The following MINK1 variants were observed in gnomAD, a reference collection of about 807,000 sequenced individuals.
MINK1 encodes the protein misshapen like kinase 1.
A neutral mutation model predicts 178.4 loss-of-function variants in MINK1; 46 were observed. The observed-to-expected ratio is 0.26, with a 90% confidence interval of 0.20 to 0.33. The LOEUF (loss-of-function observed/expected upper bound fraction) is 0.33. Ranked by LOEUF, MINK1 falls within the 10% of genes least tolerant of loss-of-function variation. The probability of loss-of-function intolerance (pLI) is 1.00; values close to 1 mark genes in which losing one functional copy is unlikely to be tolerated. For synonymous variants in MINK1, 797 were observed against 709.7 expected (o/e 1.12, Z -1.96); for missense variants, 1,366 against 1,814.9 (o/e 0.75, Z 4.49).
rs539820109 is a variant in MINK1 at position 4,892,803 on chromosome 17, C to G, written c.2311+35C>G. 2.8e-5 allele frequency: 44 copies of G among 1,553,142 alleles called. No individual in the cohort carries two copies. In the African/African-American group the frequency reaches 5.7e-4, roughly 20 times the overall value. ...CCAGGGCTGGGCAGCCTGCTCTGGG[C>G]CTGGGGGCTTATCACCATGGACCCT... On this transcript the variant is annotated intron_variant, in intron 19 of 31. Coordinates refer to ENST00000355280, the MANE Select transcript of MINK1 (RefSeq NM_153827.5).
rs1910377966 is a variant in MINK1 at position 4,842,326 on chromosome 17, GT to G, written c.57+8691del. On this transcript the variant is annotated intron_variant, in intron 1 of 31. Coordinates refer to ENST00000355280, the MANE Select transcript of MINK1 (RefSeq NM_153827.5). ...GTCTGGGACAGTGCATCGAAGAACT[GT>G]TTTTCCACCCGTATTGCCACTGGTA... 2.0e-5 allele frequency among the ~76,000 whole-genome samples: 3 copies of G among 152,034 alleles called. No individual in the cohort carries two copies. The South Asian group carries it at 6.2e-4, about 31-fold the overall frequency.
At position 4,886,464 on chromosome 17, in the gene MINK1, A is replaced by G. The variant is rs1968212144; in HGVS notation, c.787A>G (p.Ile263Val). The G allele has an allele frequency of 2.5e-6, 4 of 1,607,106 alleles. No individual in the cohort carries two copies. In the East Asian group the frequency reaches 8.9e-5, roughly 36 times the overall value. Reference sequence around the variant, plus strand: ...CACTGTTTCCAGGTCTAAGAAGTTCATTGACTTCATTGACACATGTCTCAT... The same window carrying G: ...CACTGTTTCCAGGTCTAAGAAGTTCGTTGACTTCATTGACACATGTCTCAT... The part of the protein sequence containing the change: ...LKSKKWSKKF[I>V]DFIDTCLIKT... Residue 263 changes from isoleucine to valine, a missense_variant, in exon 10 of 32, where the codon ATT becomes GTT. Transcript: ENST00000355280. This position sits in a 1 kb window ranked among gnomAD's most constrained non-coding sequence, Gnocchi z 6.1.
At chr17:4,859,152 T>G in intron 1 of MINK1, 2 of 985,476 alleles carry the variant, frequency 2.0e-6, no homozygotes, top group Non-Finnish European at 2.4e-6. Context: ...AGACCAGTCC[T>G]TCCTTGTCTC....
intron 2 of MINK1, 92 bp from the exon 3 acceptor site, chr17:4,880,892 C>A (rs537148329): frequency 8.2e-5 from 105 of 1,278,256 alleles, no homozygotes; most frequent in Non-Finnish European, 9.6e-5. Context: ...AGAGCGAGAC[C>A]CTGTCTCAAA....
At chr17:4,851,479 C>A (rs529026930) in intron 1 of MINK1, among the ~76,000 whole-genome samples, 51 of 152,290 alleles carry the variant, frequency 3.3e-4, no homozygotes, top group Non-Finnish European at 6.6e-4. Context: ...CATCTTAGAG[C>A]CTTCCTGCTC....
intron 1 of MINK1, among the ~76,000 whole-genome samples, chr17:4,863,536 C>G (rs924605490): frequency 1.6e-4 from 25 of 152,114 alleles, no homozygotes; most frequent in Non-Finnish European, 3.2e-4. Context: ...AAACCCGGTC[C>G]TTTAGGCAAC....
At chr17:4,841,399 C>T (rs986820182) in intron 1 of MINK1, among the ~76,000 whole-genome samples, 1 of 152,058 alleles carries the variant, frequency 6.6e-6, no homozygotes, top group African/African-American at 2.4e-5. Flanking sequence ...GAACCACAGG[C>T]TTAGAGGAGT....
Position 4,878,194 on chromosome 17 carries a change from C to T in MINK1, c.58-123C>T, listed in dbSNP as rs138223077. The stretch of plus-strand genomic sequence containing the variant: ...CAGCCAGCCACCAGGGTTCCTGCCA[C>T]GTGCCCTCCTGATATGCTGGTCTTC... On this transcript the variant is annotated intron_variant, in intron 1 of 31. Transcript: ENST00000355280. The T allele has an allele frequency of 2.1e-4, 158 of 769,260 alleles. 2 individuals are homozygous for T. The East Asian group carries it at 4.2e-3, about 20-fold the overall frequency. 47.7% of individuals were successfully genotyped at this position (769,260 alleles called of 1,614,324 possible). A position where few individuals can be genotyped will look rare whatever the true frequency, so the allele number is the denominator to read the frequency against.
intron 1 of MINK1, among the ~76,000 whole-genome samples, chr17:4,846,195 C>T (rs984412379): frequency 6.6e-6 from 1 of 152,276 alleles, no homozygotes; most frequent in Non-Finnish European, 1.5e-5. Context: ...TGGGCTGTGC[C>T]CTTACATTAC....
intron 31 of MINK1, 167 bp from the exon 32 acceptor site, chr17:4,897,037 C>A: frequency 1.2e-6 from 1 of 862,956 alleles, no homozygotes; most frequent in African/African-American, 1.7e-5. Context: ...TCTCCCCTAA[C>A]ATCCCAGCCT....
rs1968975209 is a variant in MINK1, at chr17:4,892,646, C to T, written c.2199-10C>T. On this transcript the variant is annotated splice_polypyrimidine_tract_variant and intron_variant, in intron 18 of 31. Transcript: ENST00000355280. ...GTGCCTCCCTGACCCTGACTCTGCC[C>T]CCCCAACAGTAACCCCGACCTCAGG... 1.9e-6 allele frequency: 3 copies of T among 1,592,954 alleles called. No homozygotes were observed. Among genetic ancestry groups the T allele is most frequent in the East Asian group, 2.2e-5 (1 of 44,650 alleles).
Position 4,896,122 on chromosome 17 carries a change from C to T in MINK1, c.3465+19C>T, listed in dbSNP as rs774341990. 1.9e-6 allele frequency: 3 copies of T among 1,606,386 alleles called. No individual in the cohort carries two copies. The highest frequency in any genetic ancestry group is 4.5e-5 in the East Asian group (2 of 44,546). On this transcript the variant is annotated intron_variant, in intron 28 of 31. Coordinates refer to ENST00000355280, the MANE Select transcript of MINK1 (RefSeq NM_153827.5). This position sits in a 1 kb window ranked among gnomAD's most constrained non-coding sequence, Gnocchi z 4.6. The stretch of plus-strand genomic sequence containing the variant: ...CTTCAAGGTAATCCCAGCCTCGGTC[C>T]CTAACACCATCTGGAGTCCCAGCGC...
chr17:4,849,183 G>A (rs929750262), intron 1 of MINK1, among the ~76,000 whole-genome samples: 10 of 152,140 alleles, frequency 6.6e-5, no homozygotes, highest in Admixed American at 5.9e-4. Context: ...GCAAGGAAGA[G>A]TAACTTCAAA....
chr17:4,895,302 G>A lies in MINK1; in HGVS notation c.3086-48G>A, dbSNP rs1381711966. 6.2e-7 allele frequency: 1 copy of A among 1,607,930 alleles called. No individual in the cohort carries two copies. The highest frequency in any genetic ancestry group is 8.5e-7 in the Non-Finnish European group (1 of 1,175,810). ...GCGTGGCTCTTGTGCTCCTGGTTAG[G>A]TGAGGGCCTGGCTGAGCCTCTGACC... is the stretch of plus-strand genomic sequence containing the variant. On this transcript the variant is annotated intron_variant, in intron 25 of 31. Coordinates refer to ENST00000355280, the MANE Select transcript of MINK1 (RefSeq NM_153827.5). The surrounding 1 kb of genome is among the most constrained non-coding windows in gnomAD (Gnocchi z 4.3).
chr17:4,840,617 A>C (rs1471618103), intron 1 of MINK1, among the ~76,000 whole-genome samples: 2 of 152,194 alleles, frequency 1.3e-5, no homozygotes, highest in East Asian at 3.8e-4. Context: ...TCTCACGGAA[A>C]TAAGAACAAG....
At chr17:4,834,048 C>T (rs1281016163) in intron 1 of MINK1, among the ~76,000 whole-genome samples, 1 of 152,268 alleles carries the variant, frequency 6.6e-6, no homozygotes, top group Non-Finnish European at 1.5e-5. Context: ...CCCTCCTCTT[C>T]CTCAGCTCCT....
chr17:4,874,886 A>G (rs1004587799), intron 1 of MINK1, among the ~76,000 whole-genome samples: 1 of 152,146 alleles, frequency 6.6e-6, no homozygotes, highest in Non-Finnish European at 1.5e-5. Flanking sequence ...AGACACGAGA[A>G]GGAGACAGAT....
intron 1 of MINK1, among the ~76,000 whole-genome samples, chr17:4,869,381 A>G (rs904584176): frequency 1.3e-5 from 2 of 151,582 alleles, no homozygotes; most frequent in Non-Finnish European, 2.9e-5. Flanking sequence ...GAGTCAAGCA[A>G]TTCTGCCTCA....
chr17:4,887,643 A>G lies in MINK1; in HGVS notation c.1083A>G (p.Glu361=). 1 of 1,567,804 alleles carries G rather than the reference A, an allele frequency of 6.4e-7. No homozygotes were observed. Among genetic ancestry groups the G allele is most frequent in the Non-Finnish European group, 8.6e-7 (1 of 1,158,630 alleles). Residue 361 remains glutamate (E), a synonymous_variant, in exon 12 of 32, where the codon GAA becomes GAG. Transcript: ENST00000355280. This position sits in a 1 kb window ranked among gnomAD's most constrained non-coding sequence, Gnocchi z 7.6. ...GGGAGTTTCTCCGGCTCCAGCAGGA[A>G]AATAAGAGCAACTCAGAGGCTTTAA... ...LRREFLRLQQ[E]NKSNSEALKQ... is the part of the protein sequence containing the mutation.
Sources: gnomAD v4.1 joint callset for allele counts (sites outside exome capture counted in the v4.1 genomes callset) on GRCh38, gnomAD v4.1.1 for gene constraint, Gnocchi (gnomAD v3.1) non-coding constraint, MANE v1.5 for transcripts, NCBI Gene and HGNC (gene_info 2026-07-23, HGNC 2026-07-21) for gene names.